The following TNFSF11 variants were observed in gnomAD, a reference collection of about 807,000 sequenced individuals.
TNFSF11 encodes the protein tumor necrosis factor ligand superfamily member 11.
Under a neutral mutation model 32.2 loss-of-function variants are expected in TNFSF11, and 12 were observed. The ratio of observed to expected loss-of-function variants is 0.37; its 90% CI spans 0.24 to 0.60. The LOEUF (loss-of-function observed/expected upper bound fraction) is 0.60. Among genes scored for constraint, TNFSF11 ranks in the 20% least tolerant of loss-of-function variants. The pLI is 0.66. For missense variants in TNFSF11, 345 were observed against 398.0 expected (o/e 0.87, Z 1.13); for synonymous variants, 172 against 152.1 (o/e 1.13, Z -0.96).
intron 2 of TNFSF11, among the ~76,000 whole-genome samples, chr13:42,582,113 A>G (rs1386772042): frequency 6.6e-6 from 1 of 151,878 alleles, no homozygotes. Context: ...CTGTGTTGCA[A>G]CTCCCTGGGT....
At chr13:42,587,119 C>T (rs897930142) in intron 2 of TNFSF11, among the ~76,000 whole-genome samples, 1 of 152,198 alleles carries the variant, frequency 6.6e-6, no homozygotes, top group Non-Finnish European at 1.5e-5. Flanking sequence ...CTCCTCTGTC[C>T]TCAGCATGAA....
chr13:42,599,307 A>ATCTG (rs1384956663), intron 2 of TNFSF11, among the ~76,000 whole-genome samples: 38 of 137,928 alleles, frequency 2.8e-4, no homozygotes, highest in African/African-American at 1.1e-3. Context: ...TATTGCCTCT[A>ATCTG]TCTATCTATC....
At chr13:42,567,555 C>T (rs1355200002) in intron 2 of TNFSF11, among the ~76,000 whole-genome samples, 1 of 152,112 alleles carries the variant, frequency 6.6e-6, no homozygotes, top group Non-Finnish European at 1.5e-5. Flanking sequence ...CAAATAGGCC[C>T]TGTTTGGCCA....
At chr13:42,583,177 G>A (rs1013619468) in intron 2 of TNFSF11, among the ~76,000 whole-genome samples, 3 of 151,918 alleles carry the variant, frequency 2.0e-5, no homozygotes, top group East Asian at 1.9e-4. Flanking sequence ...TTGGGAGGCC[G>A]AGGTGGGAGG....
intron 1 of TNFSF11, among the ~76,000 whole-genome samples, chr13:42,580,093 T>A (rs1873529728): frequency 6.6e-6 from 1 of 152,242 alleles, no homozygotes; most frequent in Non-Finnish European, 1.5e-5. Flanking sequence ...CACGTAGCTT[T>A]TCTTTTTCGC....
intron 2 of TNFSF11, among the ~76,000 whole-genome samples, chr13:42,593,154 G>C (rs550510436): frequency 6.6e-6 from 1 of 152,280 alleles, no homozygotes; most frequent in East Asian, 1.9e-4. Context: ...GGTTGGAAGG[G>C]GCTGATTTTG....
At position 42,575,802 on chromosome 13, in the gene TNFSF11, G is replaced by A. The variant is rs149640305; in HGVS notation, c.219+1280G>A. On this transcript the variant is annotated intron_variant, in intron 1 of 4. Coordinates refer to ENST00000398795, the MANE Select transcript of TNFSF11 (RefSeq NM_003701.4). ...GTTTCTAAAAAGACAACTTTTGAGT[G>A]GTTTGCTTGCAACACAGATAACAAA... Among the ~76,000 whole-genome samples the A allele has an allele frequency of 4.9e-3, 740 of 152,284 alleles. 4 individuals are homozygous for A. Among genetic ancestry groups the A allele is most frequent in the Non-Finnish European group, 6.6e-3 (452 of 68,024 alleles).
At chr13:42,578,402 C>T (rs1046011688) in intron 1 of TNFSF11, among the ~76,000 whole-genome samples, 7 of 152,182 alleles carry the variant, frequency 4.6e-5, no homozygotes, top group African/African-American at 1.7e-4. Context: ...CCCTGAACCT[C>T]TCCTCCTCCG....
chr13:42,605,394 T>G (rs1388593150), intron 4 of TNFSF11, among the ~76,000 whole-genome samples: 1 of 152,260 alleles, frequency 6.6e-6, no homozygotes, highest in Non-Finnish European at 1.5e-5. Context: ...ATTTTTGTAC[T>G]TTCCACAGTA....
intron 2 of TNFSF11, among the ~76,000 whole-genome samples, chr13:42,567,037 A>C (rs1872897164): frequency 6.6e-6 from 1 of 152,046 alleles, no homozygotes; most frequent in Non-Finnish European, 1.5e-5. Flanking sequence ...TGAAACTGCA[A>C]GTTAAACAAT....
chr13:42,600,805 T>C lies in TNFSF11; in HGVS notation c.433+8T>C. 4 of 1,614,164 alleles carry C rather than the reference T, an allele frequency of 2.5e-6. No homozygotes were observed. The highest frequency in any genetic ancestry group is 3.4e-6 in the Non-Finnish European group (4 of 1,179,998). On this transcript the variant is annotated splice_region_variant and intron_variant, in intron 3 of 4. Transcript: ENST00000398795. ...ACATCAGAGCAGAGAAAGGTAAGCA[T>C]GGATCCATACATCTGTATGAAATCC...
upstream of TNFSF11, chr13:42,574,032 G>C (rs1594457639): frequency 1.9e-6 from 1 of 526,610 alleles, no homozygotes; most frequent in Admixed American, 3.4e-5. Context: ...GAGGGAGGGC[G>C]AAAGGAAGGA....
In TNFSF11 at chr13:42,581,158, T is replaced by C; in HGVS notation, c.252T>C (p.Thr84=). ...CTAATAGAATATCAGAAGATGGCACTCACTGCATTTATAGAATTTTGAGAC... is the reference window on the plus strand; with the variant it reads ...CTAATAGAATATCAGAAGATGGCACCCACTGCATTTATAGAATTTTGAGAC... ...MDPNRISEDG[T]HCIYRILRLH... The change falls in exon 2 of 5, where the codon ACT becomes ACC. Residue 84 remains threonine, a synonymous_variant. Transcript: ENST00000398795. 6.2e-7 allele frequency: 1 copy of C among 1,614,156 alleles called. No individual in the cohort carries two copies. Among genetic ancestry groups the C allele is most frequent in the Non-Finnish European group, 8.5e-7 (1 of 1,179,992 alleles).
intron 2 of TNFSF11, among the ~76,000 whole-genome samples, chr13:42,567,576 A>G (rs1310801085): frequency 6.6e-6 from 1 of 152,214 alleles, no homozygotes; most frequent in African/African-American, 2.4e-5. Context: ...GGAGGACCTC[A>G]GAGAAACCTT....
chr13:42,603,317 T>C (rs1479098167), intron 4 of TNFSF11, among the ~76,000 whole-genome samples: 4 of 152,178 alleles, frequency 2.6e-5, no homozygotes, highest in Admixed American at 6.5e-5. Flanking sequence ...AGACCTCTTC[T>C]GCGGTACTTA....
chr13:42,596,769 T>C (rs1406930258), intron 2 of TNFSF11, among the ~76,000 whole-genome samples: 1 of 152,250 alleles, frequency 6.6e-6, no homozygotes, highest in Non-Finnish European at 1.5e-5. Context: ...TTAACTAAAT[T>C]GAGATGTCAC....
chr13:42,579,211 AG>A (rs1384170483), intron 1 of TNFSF11, among the ~76,000 whole-genome samples: 1 of 151,998 alleles, frequency 6.6e-6, no homozygotes, highest in Non-Finnish European at 1.5e-5. Context: ...TGGGCAACAC[AG>A]CGAGACCCCA....
At chr13:42,573,605 C>A (rs78139041), upstream of TNFSF11, among the ~76,000 whole-genome samples, 4,024 of 152,256 alleles carry the variant, frequency 0.026, 159 homozygotes, top group African/African-American at 0.083. Context: ...ACCTGCCTCG[C>A]TCAATGTCAC....
chr13:42,571,379 T>A (rs915193630), upstream of TNFSF11, among the ~76,000 whole-genome samples: 2 of 151,868 alleles, frequency 1.3e-5, no homozygotes, highest in African/African-American at 2.4e-5. Flanking sequence ...ATCTTTTTTT[T>A]AATTTTTGAG....
Sources: allele counts gnomAD v4.1 joint callset (sites outside exome capture counted in the v4.1 genomes callset), GRCh38; gene constraint gnomAD v4.1.1; transcripts MANE v1.5; gene names NCBI Gene and HGNC (gene_info 2026-07-23, HGNC 2026-07-21).